The following ACACB variants were observed in gnomAD, a reference collection of about 807,000 sequenced individuals.
ACACB encodes acetyl-CoA carboxylase beta.
Under a neutral mutation model 278.8 loss-of-function variants are expected in ACACB, and 209 were observed. That is an observed-to-expected ratio of 0.75 (90% CI 0.67 to 0.84). The LOEUF is 0.84. ACACB is among the 40% of genes least tolerant of loss of function. ACACB has a pLI of 0.00. For synonymous variants in ACACB, 1,174 were observed against 1,285.6 expected, an observed-to-expected ratio of 0.91 and a Z score of 1.86; for missense variants, 2,850 against 3,269.0, an observed-to-expected ratio of 0.87 and a Z score of 3.13.
intron 41 of ACACB, among the ~76,000 whole-genome samples, chr12:109,251,471 C>G (rs2047092915): frequency 6.6e-6 from 1 of 152,188 alleles, no homozygotes; most frequent in East Asian, 1.9e-4. Flanking sequence ...TCATAAGCAT[C>G]TTCCTTGGGC....
intron 1 of ACACB, among the ~76,000 whole-genome samples, chr12:109,134,125 C>A (rs1262045157): frequency 1.3e-5 from 2 of 151,996 alleles, no homozygotes; most frequent in African/African-American, 4.8e-5. Context: ...AAGCACCAAG[C>A]TGGGTACAAG....
chr12:109,118,532 G>A (rs2135928997), intron 1 of ACACB, among the ~76,000 whole-genome samples: 1 of 151,438 alleles, frequency 6.6e-6, no homozygotes, highest in East Asian at 1.9e-4. Context: ...CTCAGTCTCA[G>A]TCTCCCGAGT....
intron 2 of ACACB, among the ~76,000 whole-genome samples, chr12:109,163,185 A>G (rs547851705): frequency 6.6e-5 from 10 of 152,282 alleles, no homozygotes; most frequent in African/African-American, 2.2e-4. Context: ...TCGGCCTCCC[A>G]TAGTGCTGGG....
At chr12:109,194,219 G>A (rs886479996) in intron 16 of ACACB, among the ~76,000 whole-genome samples, 26 of 151,136 alleles carry the variant, frequency 1.7e-4, no homozygotes, top group Admixed American at 1.6e-3. Flanking sequence ...TTTTTCAAAC[G>A]GAGCCTCACT....
intron 21 of ACACB, among the ~76,000 whole-genome samples, chr12:109,210,346 CACAT>C (rs1180272935): frequency 1.3e-4 from 12 of 94,364 alleles, no homozygotes; most frequent in African/African-American, 3.7e-4. Context: ...TACACGCACA[CACAT>C]ATCTGTGTAT....
rs1240466878 is a variant in ACACB at position 109,116,668 on chromosome 12, G to C, written c.-46G>C. ...AATGTAACCCTGAATGCACGGTGGG[G>C]AGGACATGGCAAGAGAAAAGCGGCA... On this transcript the variant is annotated 5_prime_UTR_variant, in exon 1 of 53. Transcript: ENST00000338432. 7 of 152,278 alleles carry C rather than the reference G, an allele frequency of 4.6e-5. No individual in the cohort carries two copies. Among genetic ancestry groups the C allele is most frequent in the Non-Finnish European group, 8.8e-5 (6 of 68,086 alleles). 9.4% of individuals were successfully genotyped at this position (152,278 alleles called of 1,614,324 possible). A position where few individuals can be genotyped will look rare whatever the true frequency, so the allele number is the denominator to read the frequency against.
At chr12:109,198,357 T>C (rs1416291608) in intron 17 of ACACB, among the ~76,000 whole-genome samples, 1 of 152,228 alleles carries the variant, frequency 6.6e-6, no homozygotes, top group Non-Finnish European at 1.5e-5. Context: ...GTTGGAAGTA[T>C]GTCAGTAAAA....
At chr12:109,135,633 T>A (rs2042948092) in intron 1 of ACACB, among the ~76,000 whole-genome samples, 1 of 151,900 alleles carries the variant, frequency 6.6e-6, no homozygotes, top group East Asian at 1.9e-4. Context: ...AAGGTCATGA[T>A]GAATTACTTC....
intron 1 of ACACB, among the ~76,000 whole-genome samples, chr12:109,131,898 G>C (rs2042837910): frequency 6.6e-6 from 1 of 151,942 alleles, no homozygotes; most frequent in Non-Finnish European, 1.5e-5. Context: ...CTTGACCACG[G>C]CCCCCCCACG....
chr12:109,163,785 G>C (rs976045311), intron 2 of ACACB, among the ~76,000 whole-genome samples: 1 of 152,084 alleles, frequency 6.6e-6, no homozygotes, highest in Non-Finnish European at 1.5e-5. Flanking sequence ...AAGTAGCTGG[G>C]ATTACAGATG....
At chr12:109,171,686 A>T in intron 4 of ACACB, 119 bp from the exon 5 acceptor site, 2 of 743,650 alleles carry the variant, frequency 2.7e-6, no homozygotes, top group East Asian at 2.8e-5. Context: ...GTCCATTGTT[A>T]CCATAGAAAT....
rs1565889909 is a variant in ACACB, at chr12:109,176,209, G to C, written c.1383G>C (p.Gly461=). 1 of 1,614,206 alleles carries C rather than the reference G, an allele frequency of 6.2e-7. No homozygotes were observed. Among genetic ancestry groups the C allele is most frequent in the Admixed American group, 1.7e-5 (1 of 60,024 alleles). ...LMIKASEGGG[G]KGIRKAESAE... ...TCAAAGCTTCTGAAGGTGGCGGAGG[G>C]AAGGGAATCCGGAAGGCTGAGAGTG... Residue 461 remains glycine, a synonymous_variant, in exon 9 of 53, where the codon GGG becomes GGC. Transcript: ENST00000338432.
At chr12:109,156,181 T>A (rs2043527319) in intron 2 of ACACB, among the ~76,000 whole-genome samples, 2 of 152,102 alleles carry the variant, frequency 1.3e-5, no homozygotes, top group African/African-American at 4.8e-5. Context: ...CTATGATCGT[T>A]CCTGTGAACA....
chr12:109,204,935 T>A (rs1170595684), intron 19 of ACACB, among the ~76,000 whole-genome samples: 1 of 151,678 alleles, frequency 6.6e-6, no homozygotes, highest in Non-Finnish European at 1.5e-5. Context: ...CAACCTCCAC[T>A]TCCTGGGTTC....
At chr12:109,112,567 T>A (rs1053200634), upstream of ACACB, among the ~76,000 whole-genome samples, 1 of 151,556 alleles carries the variant, frequency 6.6e-6, no homozygotes. Flanking sequence ...CCAGGCGTGG[T>A]GGCACATGCC....
chr12:109,230,572 G>A (rs758444827), intron 28 of ACACB, among the ~76,000 whole-genome samples: 2 of 152,182 alleles, frequency 1.3e-5, no homozygotes, highest in African/African-American at 2.4e-5. Flanking sequence ...ACAGGCTTGC[G>A]CCACCACACC....
intron 49 of ACACB, chr12:109,264,020 G>A: frequency 1.7e-6 from 1 of 572,098 alleles, no homozygotes; most frequent in Admixed American, 3.1e-5. Flanking sequence ...CTGGGGTGGG[G>A]GCCAGGCCAG....
chr12:109,200,094 T>C (rs2136327549), intron 18 of ACACB, among the ~76,000 whole-genome samples: 1 of 151,588 alleles, frequency 6.6e-6, no homozygotes, highest in East Asian at 1.9e-4. Context: ...AGAAGGTTAA[T>C]GACAGAGAAA....
Position 109,166,679 on chromosome 12 carries a change from C to CAAAAAAA in ACACB, c.654-182_654-181insAAAAAAA, listed in dbSNP as rs1225818948. The stretch of plus-strand genomic sequence containing the variant: ...AAAAAAAAAAAAAAAAAAAAAAAAC[C>CAAAAAAA]GAAGGTGCTTCCTGCCCTTGAGCCT... On this transcript the variant is annotated intron_variant, in intron 2 of 52. Transcript: ENST00000338432. Among the ~76,000 whole-genome samples the CAAAAAAA allele has an allele frequency of 3.4e-4, 7 of 20,842 alleles. 2 individuals carry two copies. Among genetic ancestry groups the CAAAAAAA allele is most frequent in the Non-Finnish European group, 9.2e-4 (6 of 6,540 alleles). 13.7% of individuals were successfully genotyped at this position (20,842 alleles called of 152,430 possible).
Sources: gnomAD v4.1 joint callset for allele counts (sites outside exome capture counted in the v4.1 genomes callset) on GRCh38, gnomAD v4.1.1 for gene constraint, MANE v1.5 for transcripts, NCBI Gene and HGNC (gene_info 2026-07-23, HGNC 2026-07-21) for gene names.